Variants in EPHB1 observed in about 807,000 individuals in gnomAD.
EPHB1 encodes EPH receptor B1.
EPHB1 carries 30 observed loss-of-function variants against 94.4 expected under a neutral mutation model. The ratio of observed to expected loss-of-function variants is 0.32; its 90% CI spans 0.24 to 0.43. EPHB1 has a LOEUF of 0.43. EPHB1 is among the 20% of genes least tolerant of loss of function. The pLI, the probability that EPHB1 is intolerant of heterozygous loss-of-function variation, is 1.00. For missense variants in EPHB1, 1,055 were observed against 1,308.3 expected, an observed-to-expected ratio of 0.81 and a Z score of 2.99; for synonymous variants, 522 against 489.1, an observed-to-expected ratio of 1.07 and a Z score of -0.89.
chr3:135,024,152 C>A lies in EPHB1; in HGVS notation c.805+72100C>A, dbSNP rs999565914. On this transcript the variant is annotated intron_variant, in intron 3 of 15. Transcript: ENST00000398015. ...TATCAGCTTACAGTCTCTACCTAGT[C>A]AATTCTGAAACCAGGCAGTGATGAA... is the stretch of plus-strand genomic sequence containing the variant. 2.6e-5 allele frequency among the ~76,000 whole-genome samples: 4 copies of A among 152,286 alleles called. No individual in the cohort carries two copies. In the East Asian group the frequency reaches 7.7e-4, roughly 29 times the overall value.
Position 134,825,539 on chromosome 3 carries a change from G to T in EPHB1, c.58+29850G>T, listed in dbSNP as rs140349894. On this transcript the variant is annotated intron_variant, in intron 1 of 15. Coordinates refer to ENST00000398015, the MANE Select transcript of EPHB1 (RefSeq NM_004441.5). ...CCCTCTTTGGGTACCATTTTTCTGT[G>T]AGCTGTGAATTCACCAGTTTGTACT... Among the ~76,000 whole-genome samples the T allele has an allele frequency of 4.9e-3, 750 of 152,296 alleles. 8 individuals carry two copies. The South Asian group carries it at 0.052, about 11-fold the overall frequency.
chr3:135,106,320 C>A, intron 3 of EPHB1, 128 bp from the exon 4 acceptor site: 1 of 999,712 alleles, frequency 1.0e-6, no homozygotes, highest in Non-Finnish European at 1.5e-6. Context: ...AACCTTAGAT[C>A]TCCCTTGGTA....
At chr3:134,822,072 G>T (rs1052883907) in intron 1 of EPHB1, among the ~76,000 whole-genome samples, 2 of 152,178 alleles carry the variant, frequency 1.3e-5, no homozygotes, top group South Asian at 4.1e-4. Context: ...GAGTATAGGA[G>T]GTAGGAGATA....
chr3:134,856,221 C>A (rs1442369787), intron 1 of EPHB1, among the ~76,000 whole-genome samples: 1 of 152,102 alleles, frequency 6.6e-6, no homozygotes, highest in Non-Finnish European at 1.5e-5. Context: ...TTTATGGGCA[C>A]GGGTGTGTGG....
At chr3:135,253,494 C>G (rs1292874564) in intron 15 of EPHB1, among the ~76,000 whole-genome samples, 1 of 151,614 alleles carries the variant, frequency 6.6e-6, no homozygotes, top group African/African-American at 2.4e-5. Context: ...GCTTGTTTTT[C>G]TCAGGTTTGT....
intron 1 of EPHB1, among the ~76,000 whole-genome samples, chr3:134,873,024 A>G (rs1402843171): frequency 6.6e-6 from 1 of 152,244 alleles, no homozygotes; most frequent in Non-Finnish European, 1.5e-5. Context: ...CAATTCACAC[A>G]GTGACATTTC....
rs115951987 is a variant in EPHB1, at chr3:135,075,154, G to A, written c.806-31294G>A. Among the ~76,000 whole-genome samples, 1,253 of 152,254 alleles carry A rather than the reference G, an allele frequency of 8.2e-3. 11 individuals are homozygous for A. The highest frequency in any genetic ancestry group is 0.027 in the Middle Eastern group (8 of 294). On this transcript the variant is annotated intron_variant, in intron 3 of 15. Coordinates refer to ENST00000398015, the MANE Select transcript of EPHB1 (RefSeq NM_004441.5). ...TATGAGCCTTTAAGCAGGTTGATTG[G>A]ATATCTGAACTATCCCCAACCAGCC...
chr3:135,154,077 C>T (rs759608119), intron 5 of EPHB1, 75 bp from the exon 6 acceptor site: 41 of 1,589,430 alleles, frequency 2.6e-5, no homozygotes, highest in Admixed American at 5.1e-5. Flanking sequence ...TTTCTCCCTA[C>T]GTACCTCTGG....
chr3:135,258,983 T>G, intron 15 of EPHB1, 29 bp from the exon 16 acceptor site: 2 of 1,541,470 alleles, frequency 1.3e-6, no homozygotes, highest in Non-Finnish European at 1.8e-6. Context: ...AACACTAAAG[T>G]GACTTCTTTT....
At chr3:134,890,100 G>A (rs2037947140) in intron 1 of EPHB1, among the ~76,000 whole-genome samples, 1 of 151,968 alleles carries the variant, frequency 6.6e-6, no homozygotes, top group African/African-American at 2.4e-5. Context: ...CGCAGAGGAA[G>A]CCCCCATCCA....
chr3:135,224,843 G>A (rs1303826186), intron 12 of EPHB1, among the ~76,000 whole-genome samples: 2 of 152,170 alleles, frequency 1.3e-5, no homozygotes, highest in African/African-American at 4.8e-5. Flanking sequence ...ATGACATTTT[G>A]AACATTACAT....
At chr3:134,857,452 G>A (rs2108302296) in intron 1 of EPHB1, among the ~76,000 whole-genome samples, 1 of 152,250 alleles carries the variant, frequency 6.6e-6, no homozygotes, top group Non-Finnish European at 1.5e-5. Context: ...ACGCGTATGG[G>A]CCACTGACAG....
At chr3:134,925,720 A>G (rs550112827) in intron 1 of EPHB1, 96 bp from the exon 2 acceptor site, 1 of 1,005,164 alleles carries the variant, frequency 9.9e-7, no homozygotes, top group East Asian at 2.8e-5. Context: ...ACTGTCATTT[A>G]CTATCACAAA....
chr3:134,886,381 T>C (rs2037862460), intron 1 of EPHB1, among the ~76,000 whole-genome samples: 1 of 152,236 alleles, frequency 6.6e-6, no homozygotes, highest in Non-Finnish European at 1.5e-5. Context: ...CCCAGAAGTA[T>C]GCTTTTTGAG....
At chr3:135,190,715 G>A (rs1483059763) in intron 10 of EPHB1, among the ~76,000 whole-genome samples, 1 of 152,192 alleles carries the variant, frequency 6.6e-6, no homozygotes, top group Non-Finnish European at 1.5e-5. Flanking sequence ...AATTCAAATA[G>A]TGGTACTTCT....
intron 3 of EPHB1, among the ~76,000 whole-genome samples, chr3:135,092,666 C>A (rs1296086969): frequency 6.8e-6 from 1 of 146,294 alleles, no homozygotes; most frequent in Non-Finnish European, 1.5e-5. Flanking sequence ...CTCTCTGTCA[C>A]CCTGGCTGGA....
chr3:135,081,164 T>C (rs1345420445), intron 3 of EPHB1, among the ~76,000 whole-genome samples: 1 of 152,184 alleles, frequency 6.6e-6, no homozygotes, highest in Non-Finnish European at 1.5e-5. Context: ...TCCTCTATCA[T>C]CACCAGAGCA....
At chr3:135,178,586 G>A (rs1942058289) in intron 9 of EPHB1, among the ~76,000 whole-genome samples, 1 of 152,058 alleles carries the variant, frequency 6.6e-6, no homozygotes, top group Non-Finnish European at 1.5e-5. Flanking sequence ...GTTTAGGAGA[G>A]CTATAGAGCC....
chr3:135,221,743 T>G (rs2107720395), intron 12 of EPHB1, among the ~76,000 whole-genome samples: 1 of 152,344 alleles, frequency 6.6e-6, no homozygotes, highest in Admixed American at 6.5e-5. Flanking sequence ...TTACGCCTCA[T>G]GTACATCACA....
Sources: gnomAD v4.1 joint callset for allele counts (sites outside exome capture counted in the v4.1 genomes callset) on GRCh38, gnomAD v4.1.1 for gene constraint, MANE v1.5 for transcripts, NCBI Gene and HGNC (gene_info 2026-07-23, HGNC 2026-07-21) for gene names.